TTLL11: variants seen among roughly 807,000 people sequenced by gnomAD.
The protein encoded by TTLL11 is tubulin tyrosine ligase like 11, also known as tubulin polyglutamylase TTLL11.
Under a neutral mutation model 51.7 loss-of-function variants are expected in TTLL11, and 42 were observed. The observed-to-expected ratio is 0.81, with a 90% CI of 0.64 to 1.05. The LOEUF is 1.05. Ranked by LOEUF, TTLL11 falls within the 50% of genes least tolerant of loss-of-function variation. The probability of loss-of-function intolerance (pLI) is 0.00; values close to 1 mark genes in which losing one functional copy is unlikely to be tolerated. For synonymous variants in TTLL11, 381 were observed against 383.5 expected (o/e 0.99, Z 0.08); for missense variants, 799 against 940.4 (o/e 0.85, Z 1.97).
At chr9:122,035,757 C>G (rs367700195) in intron 2 of TTLL11, among the ~76,000 whole-genome samples, 19 of 152,134 alleles carry the variant, frequency 1.2e-4, no homozygotes, top group South Asian at 4.1e-4. Context: ...TCTAATGTGT[C>G]CCTCTGGCTG....
At chr9:121,992,528 G>A (rs1457008451) in intron 3 of TTLL11, among the ~76,000 whole-genome samples, 1 of 152,214 alleles carries the variant, frequency 6.6e-6, no homozygotes, top group Non-Finnish European at 1.5e-5. Context: ...CTCTGTCTGA[G>A]AATCACTAGA....
chr9:122,084,160 T>G (rs1846064507), intron 1 of TTLL11, among the ~76,000 whole-genome samples: 1 of 152,070 alleles, frequency 6.6e-6, no homozygotes, highest in African/African-American at 2.4e-5. Flanking sequence ...TAGGCAGATG[T>G]ACTGAGGAAC....
At chr9:121,923,672 C>T (rs972076017) in intron 6 of TTLL11, among the ~76,000 whole-genome samples, 1 of 152,152 alleles carries the variant, frequency 6.6e-6, no homozygotes, top group Non-Finnish European at 1.5e-5. Flanking sequence ...TTGCTCTGCT[C>T]ATAGAGGCTG....
chr9:122,084,706 G>A lies in TTLL11; in HGVS notation c.462+7981C>T, dbSNP rs190412121. Among the ~76,000 whole-genome samples, 615 of 152,274 alleles carry A rather than the reference G, an allele frequency of 4.0e-3. 1 individual carries two copies. The highest frequency in any genetic ancestry group is 9.7e-3 in the Admixed American group (148 of 15,276). On this transcript the variant is annotated intron_variant, in intron 1 of 8. Coordinates refer to ENST00000321582, the MANE Select transcript of TTLL11 (RefSeq NM_001139442.2). ...GTATTCTTACTTTAAAGTGCCAGGC[G>A]CTTTTAAGATTTTCTGGCTTCATCC...
intron 6 of TTLL11, among the ~76,000 whole-genome samples, chr9:121,932,025 C>G (rs1186154941): frequency 6.6e-6 from 1 of 152,216 alleles, no homozygotes; most frequent in Non-Finnish European, 1.5e-5. Flanking sequence ...GTCACCATTT[C>G]CAACCTGACC....
chr9:121,892,734 C>G (rs1228859689), intron 6 of TTLL11, among the ~76,000 whole-genome samples: 1 of 152,240 alleles, frequency 6.6e-6, no homozygotes, highest in Non-Finnish European at 1.5e-5. Flanking sequence ...CCGCCACATT[C>G]TCCATGGAAG....
rs192181193 is a variant in TTLL11, at chr9:122,039,692, C to A, written c.463-324G>T. On this transcript the variant is annotated intron_variant, in intron 1 of 8. Coordinates refer to ENST00000321582, the MANE Select transcript of TTLL11 (RefSeq NM_001139442.2). Reference sequence around the variant, plus strand: ...CATTTTGCTGATTCAAAACTTGGGGCTGACAGAGGTAATTTAACATGCCCA... The same window carrying A: ...CATTTTGCTGATTCAAAACTTGGGGATGACAGAGGTAATTTAACATGCCCA... Among the ~76,000 whole-genome samples the A allele has an allele frequency of 1.7e-3, 259 of 152,232 alleles. 1 individual carries two copies. The highest frequency in any genetic ancestry group is 6.0e-3 in the African/African-American group (248 of 41,534).
At chr9:121,881,552 C>A (rs976472516) in intron 6 of TTLL11, among the ~76,000 whole-genome samples, 5 of 152,212 alleles carry the variant, frequency 3.3e-5, no homozygotes. Context: ...TCGCCACTTA[C>A]CTGCGCTGGC....
intron 6 of TTLL11, among the ~76,000 whole-genome samples, chr9:121,962,242 A>G (rs1842253111): frequency 1.3e-5 from 2 of 152,204 alleles, no homozygotes; most frequent in South Asian, 4.1e-4. Context: ...TTTTTCCACA[A>G]TAAGCACACA....
At chr9:122,045,787 T>C (rs10985505) in intron 1 of TTLL11, among the ~76,000 whole-genome samples, 51,370 of 151,992 alleles carry the variant, frequency 0.34, 9,373 homozygotes, top group African/African-American at 0.47. Flanking sequence ...AGTGAATGAG[T>C]CAGACACAAA....
intron 6 of TTLL11, among the ~76,000 whole-genome samples, chr9:121,963,396 A>G (rs910835717): frequency 6.6e-6 from 1 of 152,230 alleles, no homozygotes; most frequent in Non-Finnish European, 1.5e-5. Context: ...ACAACTGCTG[A>G]TTCTAAAAGC....
At chr9:121,907,247 C>T (rs1319929382) in intron 6 of TTLL11, among the ~76,000 whole-genome samples, 4 of 151,940 alleles carry the variant, frequency 2.6e-5, no homozygotes, top group African/African-American at 4.8e-5. Flanking sequence ...GTCAGGGGTT[C>T]GAGACCAGCC....
intron 1 of TTLL11, among the ~76,000 whole-genome samples, chr9:122,070,889 A>G (rs1445444514): frequency 6.6e-6 from 1 of 152,112 alleles, no homozygotes; most frequent in Non-Finnish European, 1.5e-5. Flanking sequence ...ACGAAAAGCA[A>G]TCACTGCTTG....
At position 121,925,585 on chromosome 9, in the gene TTLL11, C is replaced by T. The variant is rs118024699; in HGVS notation, c.1481+48424G>A. Among the ~76,000 whole-genome samples the T allele has an allele frequency of 8.0e-3, 1,211 of 152,320 alleles. 6 individuals are homozygous for T. The highest frequency in any genetic ancestry group is 0.013 in the Non-Finnish European group (890 of 68,032). On this transcript the variant is annotated intron_variant, in intron 6 of 8. Coordinates refer to ENST00000321582, the MANE Select transcript of TTLL11 (RefSeq NM_001139442.2). The stretch of plus-strand genomic sequence containing the variant: ...CATTCTTCAAATTCATGGCTTTCCT[C>T]CTCAGCAAAGCCCTCCAGACCCTCC...
chr9:121,866,516 C>T (rs575672341), intron 7 of TTLL11, among the ~76,000 whole-genome samples: 13 of 151,662 alleles, frequency 8.6e-5, no homozygotes, highest in African/African-American at 1.7e-4. Flanking sequence ...AAAAATTAGC[C>T]GGGCATGGTG....
rs1840786533 is a variant in TTLL11, at chr9:121,927,626, G to A, written c.1481+46383C>T. On this transcript the variant is annotated intron_variant, in intron 6 of 8. Transcript: ENST00000321582. ...AAATATCACAAGAGCACAGAAGGTGGCATTTTTTTTTTTTTTTTTTTGAAG... is the reference window on the plus strand; with the variant it reads ...AAATATCACAAGAGCACAGAAGGTGACATTTTTTTTTTTTTTTTTTTGAAG... Among the ~76,000 whole-genome samples, 4 of 66,638 alleles carry A rather than the reference G, an allele frequency of 6.0e-5. 1 individual carries two copies. In the South Asian group the frequency reaches 2.4e-3, roughly 40 times the overall value. The allele number at this position is 66,638 out of a possible 152,430, so 43.7% of individuals were successfully genotyped here.
At chr9:122,041,646 C>CT (rs150068269) in intron 1 of TTLL11, among the ~76,000 whole-genome samples, 2,726 of 151,972 alleles carry the variant, frequency 0.018, 65 homozygotes, top group African/African-American at 0.063. Flanking sequence ...CAAAAAGGAC[C>CT]TTTTTTTAAA....
chr9:121,879,997 A>G (rs1490871914), intron 6 of TTLL11, among the ~76,000 whole-genome samples: 1 of 152,154 alleles, frequency 6.6e-6, no homozygotes, highest in Non-Finnish European at 1.5e-5. Flanking sequence ...AAAAGAAAGA[A>G]AAAGAAGAAA....
intron 1 of TTLL11, among the ~76,000 whole-genome samples, chr9:122,062,460 T>C (rs7045085): frequency 0.084 from 12,071 of 143,304 alleles, 742 homozygotes; most frequent in African/African-American, 0.15. Context: ...CTTTATATTA[T>C]GCTTTTTTTT....
Sources: allele counts gnomAD v4.1 joint callset (sites outside exome capture counted in the v4.1 genomes callset), GRCh38; gene constraint gnomAD v4.1.1; transcripts MANE v1.5; gene names NCBI Gene and HGNC (gene_info 2026-07-23, HGNC 2026-07-21).